PTPRT: variants seen among roughly 807,000 people sequenced by gnomAD.
PTPRT encodes protein tyrosine phosphatase receptor type T, also known as receptor-type tyrosine-protein phosphatase T.
Under a neutral mutation model 176.8 loss-of-function variants are expected in PTPRT, and 56 were observed. The observed-to-expected ratio is 0.32, with a 90% CI of 0.26 to 0.40. PTPRT has a LOEUF of 0.40. PTPRT is among the 10% of genes least tolerant of loss of function. PTPRT has a pLI of 1.00. For synonymous variants in PTPRT, 783 were observed against 739.0 expected (o/e 1.06, Z -0.96); for missense variants, 1,540 against 1,908.2 (o/e 0.81, Z 3.60).
chr20:42,834,472 G>C (rs746422878), intron 2 of PTPRT, among the ~76,000 whole-genome samples: 8 of 152,162 alleles, frequency 5.3e-5, no homozygotes, highest in African/African-American at 1.2e-4. Context: ...TCCTTATGAA[G>C]TCAAATATAC....
At chr20:43,086,450 T>C (rs2011605749) in intron 1 of PTPRT, among the ~76,000 whole-genome samples, 1 of 152,212 alleles carries the variant, frequency 6.6e-6, no homozygotes, top group Non-Finnish European at 1.5e-5. Context: ...AGATCACACG[T>C]ACTGTGTTGA....
At chr20:42,883,709 CATACACACACA>C (rs2079046138) in intron 2 of PTPRT, among the ~76,000 whole-genome samples, 3 of 118,768 alleles carry the variant, frequency 2.5e-5, no homozygotes, top group Non-Finnish European at 3.7e-5. Context: ...CATACACCCC[CATACACACACA>C]CCCATACACC....
At chr20:43,177,184 A>C (rs1365134845) in intron 1 of PTPRT, among the ~76,000 whole-genome samples, 1 of 152,230 alleles carries the variant, frequency 6.6e-6, no homozygotes, top group Non-Finnish European at 1.5e-5. Context: ...TCAAAGTAGG[A>C]CACAATGAGT....
chr20:42,580,966 C>T (rs1209161800), intron 7 of PTPRT, among the ~76,000 whole-genome samples: 3 of 151,878 alleles, frequency 2.0e-5, no homozygotes, highest in African/African-American at 7.3e-5. Flanking sequence ...TGAGAGAGGG[C>T]ATCCCTGTCT....
intron 13 of PTPRT, among the ~76,000 whole-genome samples, chr20:42,253,231 G>A (rs563680900): frequency 6.6e-6 from 1 of 152,258 alleles, no homozygotes; most frequent in South Asian, 2.1e-4. Context: ...TGTGATGGGA[G>A]TCATAAAAAA....
At chr20:42,723,878 G>T (rs577298260) in intron 6 of PTPRT, among the ~76,000 whole-genome samples, 1 of 152,310 alleles carries the variant, frequency 6.6e-6, no homozygotes, top group South Asian at 2.1e-4. Flanking sequence ...GACAGGGTAG[G>T]CAACTGGACT....
rs370873414 is a variant in PTPRT, at chr20:42,102,270, G to A, written c.3568C>T (p.Arg1190Trp). Residue 1190 changes from arginine to tryptophan, a missense_variant, in exon 26 of 31, where the codon CGG becomes TGG. By Grantham distance (101) the Arg-to-Trp change is moderately radical. This residue lies in a region of PTPRT where 342 missense variants were observed against 394.0 expected (regional missense o/e 0.87). Transcript: ENST00000373187. The stretch of plus-strand genomic sequence containing the variant: ...AGCCCAATGCTGCAGTCCTCGGGCC[G>A]CACACGGGGTGTCACAATGTTGAGG... Reference protein sequence around the residue: ...QTLNIVTPRVRPEDCSIGLLP... With the variant: ...QTLNIVTPRVWPEDCSIGLLP... The A allele has an allele frequency of 7.4e-6, 12 of 1,614,042 alleles. No homozygotes were observed. The highest frequency in any genetic ancestry group is 1.1e-5 in the South Asian group (1 of 91,070).
At chr20:43,101,123 A>C (rs1310274942) in intron 1 of PTPRT, among the ~76,000 whole-genome samples, 26 of 152,178 alleles carry the variant, frequency 1.7e-4, no homozygotes, top group Admixed American at 1.7e-3. Flanking sequence ...TACCAAGCTG[A>C]AAGCTGATTT....
chr20:42,387,918 A>C (rs2058760271), intron 9 of PTPRT, among the ~76,000 whole-genome samples: 1 of 151,218 alleles, frequency 6.6e-6, no homozygotes, highest in Non-Finnish European at 1.5e-5. Flanking sequence ...CAGCCTCCTG[A>C]GTGGCTGGGA....
chr20:42,256,610 C>A (rs2146946168), intron 13 of PTPRT, among the ~76,000 whole-genome samples: 1 of 147,560 alleles, frequency 6.8e-6, no homozygotes, highest in Non-Finnish European at 1.5e-5. Flanking sequence ...ACCCTTACCA[C>A]TTAAAAAAGG....
intron 9 of PTPRT, among the ~76,000 whole-genome samples, chr20:42,397,202 A>C (rs2058859571): frequency 6.6e-6 from 1 of 152,248 alleles, no homozygotes; most frequent in Non-Finnish European, 1.5e-5. Flanking sequence ...AATAAATGAA[A>C]ATATTGCGTT....
At chr20:43,033,089 T>C (rs1986214742) in intron 1 of PTPRT, among the ~76,000 whole-genome samples, 1 of 152,210 alleles carries the variant, frequency 6.6e-6, no homozygotes. Context: ...CCTACAAATG[T>C]CACAATAGAG....
chr20:42,478,878 C>A (rs2145320212), intron 7 of PTPRT, among the ~76,000 whole-genome samples: 1 of 152,212 alleles, frequency 6.6e-6, no homozygotes, highest in South Asian at 2.1e-4. Flanking sequence ...TAACATACAG[C>A]TGCTGAATAA....
rs921248073 is a variant in PTPRT, at chr20:43,189,143, G to GA, written c.88+502dup. Among the ~76,000 whole-genome samples the GA allele has an allele frequency of 1.1e-4, 16 of 152,178 alleles. No homozygotes were observed. The highest frequency in any genetic ancestry group is 2.9e-5 in the Non-Finnish European group (2 of 68,034). ...GGGAGCAGCGTGTTCAGAGCAAATG[G>GA]AGAGCTTCCTGTATCTCCGAGGAAA... On this transcript the variant is annotated intron_variant, in intron 1 of 30. Coordinates refer to ENST00000373187, the MANE Select transcript of PTPRT (RefSeq NM_007050.6). The surrounding 1 kb of genome is among the most constrained non-coding windows in gnomAD (Gnocchi z 5.0).
chr20:43,062,449 G>A (rs2146255349), intron 1 of PTPRT, among the ~76,000 whole-genome samples: 1 of 152,156 alleles, frequency 6.6e-6, no homozygotes, highest in East Asian at 1.9e-4. Context: ...CGCAGCTTCT[G>A]TTATTACTGT....
At chr20:42,164,709 G>GT (rs1359244029) in intron 16 of PTPRT, among the ~76,000 whole-genome samples, 3 of 152,254 alleles carry the variant, frequency 2.0e-5, no homozygotes, top group Non-Finnish European at 4.4e-5. Flanking sequence ...GTAATGCTAC[G>GT]TTTTTATCAG....
intron 1 of PTPRT, among the ~76,000 whole-genome samples, chr20:42,922,376 A>T (rs1319891829): frequency 6.6e-6 from 1 of 152,152 alleles, no homozygotes; most frequent in African/African-American, 2.4e-5. Context: ...CACAACTTGA[A>T]ATAGTATCCA....
chr20:42,793,809 C>T lies in PTPRT; in HGVS notation c.215-2343G>A, dbSNP rs1042925831. ...CATGCCACAGGGTTCCAAAAGGTTT[C>T]CTTGGACAGGTAAGTAGCAACTCAC... On this transcript the variant is annotated intron_variant, in intron 2 of 30. Coordinates refer to ENST00000373187, the MANE Select transcript of PTPRT (RefSeq NM_007050.6). 3.5e-4 allele frequency among the ~76,000 whole-genome samples: 53 copies of T among 152,258 alleles called. 1 individual carries two copies. Among genetic ancestry groups the T allele is most frequent in the African/African-American group, 1.2e-3 (51 of 41,550 alleles).
chr20:42,737,129 G>T (rs1325430985), intron 6 of PTPRT, among the ~76,000 whole-genome samples: 3 of 152,156 alleles, frequency 2.0e-5, no homozygotes, highest in Non-Finnish European at 4.4e-5. Context: ...TGGAAATAGG[G>T]TCTTTGTAGA....
Sources: allele counts gnomAD v4.1 joint callset (sites outside exome capture counted in the v4.1 genomes callset), GRCh38; gene constraint gnomAD v4.1.1; regional missense constraint gnomAD v4.1.1; non-coding constraint Gnocchi (gnomAD v3.1); transcripts MANE v1.5; gene names NCBI Gene and HGNC (gene_info 2026-07-23, HGNC 2026-07-21).